Variants in ERBB4 observed in about 807,000 individuals in gnomAD.
The protein encoded by ERBB4 is erb-b2 receptor tyrosine kinase 4.
Under a neutral mutation model 158.0 loss-of-function variants are expected in ERBB4, and 42 were observed. That is an observed-to-expected ratio of 0.27 (90% CI 0.21 to 0.34). The LOEUF is 0.34. Ranked by LOEUF, ERBB4 falls within the 10% of genes least tolerant of loss-of-function variation. ERBB4 has a pLI of 1.00. For missense variants in ERBB4, 1,333 were observed against 1,624.1 expected (o/e 0.82, Z 3.08); for synonymous variants, 583 against 558.7 (o/e 1.04, Z -0.61).
In ERBB4 at chr2:212,037,634, G is replaced by C. The variant is rs114476622; in HGVS notation, c.234+87118C>G. On this transcript the variant is annotated intron_variant, in intron 2 of 27. Transcript: ENST00000342788. Reference sequence around the variant, plus strand: ...GCCACAGGCTGAATATTTGGGCAAAGACTAACATTCTCTTGCTGACAAACA... The same window carrying C: ...GCCACAGGCTGAATATTTGGGCAAACACTAACATTCTCTTGCTGACAAACA... Among the ~76,000 whole-genome samples, 1,134 of 152,284 alleles carry C rather than the reference G, an allele frequency of 7.4e-3. 12 individuals are homozygous for C. The highest frequency in any genetic ancestry group is 0.025 in the African/African-American group (1,039 of 41,556).
chr2:212,049,475 G>C lies in ERBB4; in HGVS notation c.234+75277C>G, dbSNP rs143389349. Among the ~76,000 whole-genome samples, 814 of 152,204 alleles carry C rather than the reference G, an allele frequency of 5.3e-3. 13 individuals carry two copies. Among genetic ancestry groups the C allele is most frequent in the African/African-American group, 0.019 (778 of 41,524 alleles). Reference sequence around the variant, plus strand: ...TGCTCTAATCTGTTATGAGTCGGGAGACTAGAGGACCAGGCTTTTTGTATT... The same window carrying C: ...TGCTCTAATCTGTTATGAGTCGGGACACTAGAGGACCAGGCTTTTTGTATT... On this transcript the variant is annotated intron_variant, in intron 2 of 27. Transcript: ENST00000342788.
At chr2:211,946,367 T>A (rs1045908875) in intron 3 of ERBB4, among the ~76,000 whole-genome samples, 5 of 152,012 alleles carry the variant, frequency 3.3e-5, no homozygotes, top group Non-Finnish European at 1.5e-5. Context: ...ACAACATTCA[T>A]CTTGCTTTTT....
intron 1 of ERBB4, among the ~76,000 whole-genome samples, chr2:212,353,984 C>A (rs1056796834): frequency 3.3e-5 from 5 of 152,114 alleles, no homozygotes; most frequent in Admixed American, 3.3e-4. Context: ...AGAAGAGTAG[C>A]TGACCTATAC....
Position 211,394,781 on chromosome 2 carries a change from C to CA in ERBB4, c.3136-6790dup, listed in dbSNP as rs569643306. Among the ~76,000 whole-genome samples, 67 of 152,098 alleles carry CA rather than the reference C, an allele frequency of 4.4e-4. No homozygotes were observed. The Middle Eastern group carries it at 0.01, about 23-fold the overall frequency. On this transcript the variant is annotated intron_variant, in intron 25 of 27. Transcript: ENST00000342788. ...TATCTGATGAAGATTTTTCAGGATG[C>CA]AAACAATGCACTGGATCGGGCAACT...
intron 25 of ERBB4, among the ~76,000 whole-genome samples, chr2:211,395,052 C>T (rs1303409696): frequency 6.6e-6 from 1 of 152,110 alleles, no homozygotes; most frequent in Non-Finnish European, 1.5e-5. Flanking sequence ...CTCAAGCCCA[C>T]ACGATTAGTT....
intron 17 of ERBB4, among the ~76,000 whole-genome samples, chr2:211,628,410 C>T (rs942095601): frequency 6.6e-5 from 10 of 152,168 alleles, no homozygotes; most frequent in African/African-American, 2.4e-4. Context: ...TGAGTGAGAA[C>T]ATGCGGTGTT....
chr2:211,953,932 A>G (rs1453679722), intron 2 of ERBB4, among the ~76,000 whole-genome samples: 1 of 152,098 alleles, frequency 6.6e-6, no homozygotes, highest in Admixed American at 6.6e-5. Context: ...AGACAATGTG[A>G]AATCTGCAGT....
chr2:212,278,310 A>G (rs2085623297), intron 1 of ERBB4, among the ~76,000 whole-genome samples: 1 of 151,814 alleles, frequency 6.6e-6, no homozygotes, highest in East Asian at 1.9e-4. Context: ...AGGGTCCTTT[A>G]TTTTATTTTT....
intron 20 of ERBB4, among the ~76,000 whole-genome samples, chr2:211,553,499 C>T (rs966453200): frequency 6.6e-5 from 10 of 152,074 alleles, no homozygotes; most frequent in Non-Finnish European, 1.2e-4. Context: ...TTTTAAATGA[C>T]GGTATTTTTT....
intron 1 of ERBB4, among the ~76,000 whole-genome samples, chr2:212,233,484 A>C (rs1206898416): frequency 6.6e-6 from 1 of 152,098 alleles, no homozygotes; most frequent in Non-Finnish European, 1.5e-5. Flanking sequence ...GTTTTTACTG[A>C]GTATTATGGA....
At chr2:211,747,212 C>A (rs2075003178) in intron 5 of ERBB4, among the ~76,000 whole-genome samples, 1 of 152,158 alleles carries the variant, frequency 6.6e-6, no homozygotes, top group South Asian at 2.1e-4. Context: ...CAAGATTTCT[C>A]AACCCTCAGT....
At chr2:212,479,539 T>C (rs1689581452) in intron 1 of ERBB4, among the ~76,000 whole-genome samples, 1 of 152,164 alleles carries the variant, frequency 6.6e-6, no homozygotes, top group Admixed American at 6.6e-5. Context: ...CATTAACTCA[T>C]TAAATTCCTC....
chr2:211,761,781 A>G (rs2075420969), intron 4 of ERBB4, among the ~76,000 whole-genome samples: 1 of 152,208 alleles, frequency 6.6e-6, no homozygotes, highest in South Asian at 2.1e-4. Context: ...GTATGTAACC[A>G]ATTTACAGTA....
chr2:211,785,033 T>C (rs2076124395), intron 4 of ERBB4, among the ~76,000 whole-genome samples: 1 of 152,148 alleles, frequency 6.6e-6, no homozygotes, highest in South Asian at 2.1e-4. Context: ...GATTTACAAA[T>C]ATTTTTCCCT....
At chr2:212,104,388 A>T (rs1018047171) in intron 2 of ERBB4, among the ~76,000 whole-genome samples, 111 of 152,128 alleles carry the variant, frequency 7.3e-4, no homozygotes, top group Non-Finnish European at 1.3e-3. Context: ...TATCTGTATT[A>T]TCCCATACAT....
intron 1 of ERBB4, among the ~76,000 whole-genome samples, chr2:212,307,607 T>G (rs940903208): frequency 6.6e-6 from 1 of 151,022 alleles, no homozygotes; most frequent in Admixed American, 6.6e-5. Context: ...TTTATCTACA[T>G]GAAAAGCATA....
intron 2 of ERBB4, among the ~76,000 whole-genome samples, chr2:211,976,167 C>T (rs1165118344): frequency 6.6e-6 from 1 of 152,122 alleles, no homozygotes; most frequent in Non-Finnish European, 1.5e-5. Flanking sequence ...AGTTATTCCA[C>T]TGGAATTTTA....
intron 2 of ERBB4, among the ~76,000 whole-genome samples, chr2:212,019,242 A>G (rs1478375653): frequency 6.6e-6 from 1 of 152,202 alleles, no homozygotes; most frequent in Non-Finnish European, 1.5e-5. Context: ...CTTTAATAGT[A>G]TGTATGATGC....
intron 5 of ERBB4, among the ~76,000 whole-genome samples, chr2:211,745,047 T>C (rs1290867690): frequency 1.3e-5 from 2 of 152,216 alleles, no homozygotes; most frequent in African/African-American, 4.8e-5. Flanking sequence ...GTCAAAAACT[T>C]ACATAGCATG....
Sources: gnomAD v4.1 joint callset for allele counts (sites outside exome capture counted in the v4.1 genomes callset) on GRCh38, gnomAD v4.1.1 for gene constraint, MANE v1.5 for transcripts, NCBI Gene and HGNC (gene_info 2026-07-23, HGNC 2026-07-21) for gene names.